RANBP2: variants seen among roughly 807,000 people sequenced by gnomAD.
The protein encoded by RANBP2 is RAN binding protein 2.
A neutral mutation model predicts 303.6 loss-of-function variants in RANBP2; 57 were observed. That is an observed-to-expected ratio of 0.19 (90% CI 0.15 to 0.23). The LOEUF (loss-of-function observed/expected upper bound fraction) is 0.23. Ranked by LOEUF, RANBP2 falls within the 10% of genes least tolerant of loss-of-function variation. The pLI is 1.00. For synonymous variants in RANBP2, 1,167 were observed against 1,301.5 expected (o/e 0.90, Z 2.23); for missense variants, 3,138 against 3,780.8 (o/e 0.83, Z 4.46).
the RANBP2 span, chr2:109,613,959 G>T: frequency 1.7e-6 from 2 of 1,209,800 alleles, no homozygotes; most frequent in Admixed American, 8.7e-5. Flanking sequence ...CTCCGCGACG[G>T]GGAAGGGACA....
the RANBP2 span, among the ~76,000 whole-genome samples, chr2:109,185,747 C>T: frequency 1.3e-5 from 2 of 152,212 alleles, no homozygotes; most frequent in African/African-American, 4.8e-5. Flanking sequence ...CAAAACTCAT[C>T]CAGGATTTTA....
chr2:108,911,133 C>T, the RANBP2 span: 1 of 1,607,556 alleles, frequency 6.2e-7, no homozygotes, highest in Non-Finnish European at 8.5e-7. Flanking sequence ...GTCTTCCCTC[C>T]AGGACTCCGG....
chr2:109,033,742 C>T, the RANBP2 span, among the ~76,000 whole-genome samples: 1 of 151,436 alleles, frequency 6.6e-6, no homozygotes, highest in Non-Finnish European at 1.5e-5. Flanking sequence ...CATTTGAGGT[C>T]AGGAGTTCGA....
chr2:108,851,271 C>A, the RANBP2 span, among the ~76,000 whole-genome samples: 147 of 152,150 alleles, frequency 9.7e-4, no homozygotes, highest in African/African-American at 3.3e-3. Flanking sequence ...CTCTCTGAAC[C>A]CATTTCTCTG....
chr2:109,704,744 G>A, the RANBP2 span, among the ~76,000 whole-genome samples: 1 of 151,842 alleles, frequency 6.6e-6, no homozygotes, highest in East Asian at 2.0e-4. Flanking sequence ...CCAGCTACTC[G>A]GGAGGCTGAG....
At chr2:109,473,856 G>T in the RANBP2 span, among the ~76,000 whole-genome samples, 5 of 152,068 alleles carry the variant, frequency 3.3e-5, no homozygotes, top group Non-Finnish European at 7.4e-5. Flanking sequence ...TCCCTGAACC[G>T]CTCTCCTTGT....
chr2:109,370,335 G>A, the RANBP2 span, among the ~76,000 whole-genome samples: 14 of 151,876 alleles, frequency 9.2e-5, no homozygotes, highest in Middle Eastern at 3.2e-3. Flanking sequence ...TGCCTCCCGG[G>A]TTCAAGCGAT....
chr2:109,090,310 T>TCACACACACACA, the RANBP2 span, among the ~76,000 whole-genome samples: 1 of 109,692 alleles, frequency 9.1e-6, no homozygotes, highest in African/African-American at 3.8e-5. Flanking sequence ...ACACCTCGCC[T>TCACACACACACA]CACACACACA....
At chr2:108,760,838 G>C (rs1676681153) in intron 18 of RANBP2, among the ~76,000 whole-genome samples, 2 of 151,998 alleles carry the variant, frequency 1.3e-5, no homozygotes. Context: ...TGTTCCTTGT[G>C]ATCTCCTTTG....
the RANBP2 span, among the ~76,000 whole-genome samples, chr2:108,902,899 C>T: frequency 6.6e-6 from 1 of 151,982 alleles, no homozygotes; most frequent in Non-Finnish European, 1.5e-5. Context: ...AAGGTATAGC[C>T]AGTGCAATAA....
rs1183753613 is a variant in RANBP2, at chr2:108,773,015, A to C, written c.8261A>C (p.Gln2754Pro). 6.2e-7 allele frequency: 1 copy of C among 1,613,430 alleles called. No homozygotes were observed. The highest frequency in any genetic ancestry group is 1.1e-5 in the South Asian group (1 of 90,894). ...GACAATGGAAATGGGGAGGACTTTCAATCAGAGCTTCAAAAAGTTCAGGAA... is the reference window on the plus strand; with the variant it reads ...GACAATGGAAATGGGGAGGACTTTCCATCAGAGCTTCAAAAAGTTCAGGAA... ...DEDNGNGEDFQSELQKVQEAQ... is the reference protein window; with the variant it reads ...DEDNGNGEDFPSELQKVQEAQ... The change falls in exon 23 of 29, where the codon CAA becomes CCA. Residue 2754 changes from glutamine (Q) to proline (P), a missense_variant. Physicochemically the swap from Gln to Pro is moderately conservative, Grantham distance 76 (BLOSUM62 -1). Coordinates refer to ENST00000283195, the MANE Select transcript of RANBP2 (RefSeq NM_006267.5).
At chr2:108,827,239 T>G in the RANBP2 span, among the ~76,000 whole-genome samples, 40 of 152,196 alleles carry the variant, frequency 2.6e-4, no homozygotes, top group Non-Finnish European at 5.3e-4. Context: ...CAAAAAATTA[T>G]TAGAACTCAT....
the RANBP2 span, among the ~76,000 whole-genome samples, chr2:109,058,217 T>C: frequency 6.6e-6 from 1 of 152,190 alleles, no homozygotes; most frequent in South Asian, 2.1e-4. Context: ...CAGCCCCTTC[T>C]CTCTCAGTGT....
At chr2:108,918,558 C>A in the RANBP2 span, among the ~76,000 whole-genome samples, 1 of 152,120 alleles carries the variant, frequency 6.6e-6, no homozygotes, top group Non-Finnish European at 1.5e-5. Context: ...GCAAAAATGT[C>A]CTCACAAGGC....
At chr2:109,059,248 T>A in the RANBP2 span, among the ~76,000 whole-genome samples, 2 of 151,974 alleles carry the variant, frequency 1.3e-5, no homozygotes, top group Non-Finnish European at 2.9e-5. Flanking sequence ...AGAATGTCAA[T>A]CTAGTTATCC....
chr2:108,996,415 A>G, the RANBP2 span, among the ~76,000 whole-genome samples: 10 of 152,218 alleles, frequency 6.6e-5, no homozygotes, highest in Admixed American at 4.6e-4. Flanking sequence ...GTAATGTCCA[A>G]CCACACTCCT....
At chr2:108,935,642 CT>C in the RANBP2 span, among the ~76,000 whole-genome samples, 24 of 152,108 alleles carry the variant, frequency 1.6e-4, no homozygotes, top group Non-Finnish European at 3.1e-4. Context: ...ATTAGCACCC[CT>C]TTTCACACAC....
At chr2:109,185,317 T>G in the RANBP2 span, among the ~76,000 whole-genome samples, 1 of 152,210 alleles carries the variant, frequency 6.6e-6, no homozygotes, top group Non-Finnish European at 1.5e-5. Context: ...CTCAGTGTGT[T>G]TGCATATTTT....
At chr2:109,491,444 C>T in the RANBP2 span, among the ~76,000 whole-genome samples, 3 of 152,196 alleles carry the variant, frequency 2.0e-5, no homozygotes, top group South Asian at 4.1e-4. Context: ...GTATATAGTC[C>T]GTCAGACTGA....
Sources: gnomAD v4.1 joint callset for allele counts (sites outside exome capture counted in the v4.1 genomes callset) on GRCh38, gnomAD v4.1.1 for gene constraint, MANE v1.5 for transcripts, NCBI Gene and HGNC (gene_info 2026-07-23, HGNC 2026-07-21) for gene names.